The following GMPR variants were observed in gnomAD, a reference collection of about 807,000 sequenced individuals.
GMPR encodes the protein guanosine monophosphate reductase.
GMPR carries 31 observed loss-of-function variants against 38.4 expected under a neutral mutation model. The ratio of observed to expected loss-of-function variants is 0.81; its 90% CI spans 0.61 to 1.09. GMPR has a LOEUF of 1.09. Among genes scored for constraint, GMPR ranks in the 50% least tolerant of loss-of-function variants. The pLI, the probability that GMPR is intolerant of heterozygous loss-of-function variation, is 0.00. For synonymous variants in GMPR, 162 were observed against 173.3 expected, an observed-to-expected ratio of 0.93 and a Z score of 0.51; for missense variants, 468 against 453.7, an observed-to-expected ratio of 1.03 and a Z score of -0.29.
At chr6:16,259,366 T>C (rs1007435532) in intron 4 of GMPR, 1 of 152,090 alleles carries the variant, frequency 6.6e-6, no homozygotes, top group Non-Finnish European at 1.5e-5. Context: ...ACCGGCCATC[T>C]GGATGTGTAC....
rs191972553 is a variant in GMPR, at chr6:16,283,007, C to T, written c.655-2786C>T. Among the ~76,000 whole-genome samples, 241 of 152,170 alleles carry T rather than the reference C, an allele frequency of 1.6e-3. 1 individual carries two copies. Among genetic ancestry groups the T allele is most frequent in the Non-Finnish European group, 3.0e-3 (201 of 68,008 alleles). ...TAGTTTTAGTAGAGACAGGGTTTCA[C>T]CATGTTCGCCAGGCTGGTCTTGAAC... On this transcript the variant is annotated intron_variant, in intron 6 of 8. Coordinates refer to ENST00000259727, the MANE Select transcript of GMPR (RefSeq NM_006877.4).
rs142108495 is a variant in GMPR, at chr6:16,278,245, G to A, written c.548-539G>A. On this transcript the variant is annotated intron_variant, in intron 5 of 8. Transcript: ENST00000259727. The stretch of plus-strand genomic sequence containing the variant: ...CTGCAGGCCAGGCCCTGGGCCAAGC[G>A]GTATCCCTCCCTGTGCCATTTGTTC... Among the ~76,000 whole-genome samples the A allele has an allele frequency of 2.1e-3, 313 of 152,262 alleles. 2 individuals carry two copies. The highest frequency in any genetic ancestry group is 2.4e-3 in the Non-Finnish European group (164 of 68,012).
intron 1 of GMPR, among the ~76,000 whole-genome samples, chr6:16,244,712 T>G (rs1758723941): frequency 6.6e-6 from 1 of 152,216 alleles, no homozygotes; most frequent in South Asian, 2.1e-4. Context: ...TGCCAAGTGT[T>G]GTTCCTGGGA....
chr6:16,274,646 C>CTCAATTCA (rs1759444928), intron 5 of GMPR, 150 bp downstream of exon 5: 1 of 597,672 alleles, frequency 1.7e-6, no homozygotes, highest in Non-Finnish European at 3.0e-6. Context: ...AATTGAGCTT[C>CTCAATTCA]TCGGGGAAGC....
chr6:16,239,018 A>G (rs1018656032), intron 1 of GMPR, among the ~76,000 whole-genome samples: 1 of 152,066 alleles, frequency 6.6e-6, no homozygotes, highest in Admixed American at 6.5e-5. Flanking sequence ...GCCTAGGGGA[A>G]GTTCACAGTG....
chr6:16,261,960 C>G (rs1040874648), intron 4 of GMPR, among the ~76,000 whole-genome samples: 5 of 151,770 alleles, frequency 3.3e-5, no homozygotes, highest in Admixed American at 2.7e-4. Context: ...TAAAGTGTCT[C>G]GGCCTAATAA....
chr6:16,279,397 A>G (rs1759536944), intron 6 of GMPR, among the ~76,000 whole-genome samples: 1 of 152,100 alleles, frequency 6.6e-6, no homozygotes, highest in South Asian at 2.1e-4. Flanking sequence ...TTTCCTGAGG[A>G]TACTAGTCCT....
At chr6:16,245,773 C>G (rs1448098544) in intron 1 of GMPR, among the ~76,000 whole-genome samples, 1 of 152,204 alleles carries the variant, frequency 6.6e-6, no homozygotes, top group South Asian at 2.1e-4. Flanking sequence ...GAAGACAGTG[C>G]TCTGGAGCCC....
intron 4 of GMPR, among the ~76,000 whole-genome samples, chr6:16,270,432 C>T (rs1013409361): frequency 3.3e-5 from 5 of 152,132 alleles, no homozygotes; most frequent in African/African-American, 9.7e-5. Context: ...GTCCTGTATC[C>T]GCTCCACACC....
chr6:16,253,811 G>A (rs1396327485), intron 3 of GMPR, among the ~76,000 whole-genome samples: 1 of 152,236 alleles, frequency 6.6e-6, no homozygotes, highest in East Asian at 1.9e-4. Context: ...ATGTGGGGAA[G>A]CCCGAGTTGA....
At position 16,274,527 on chromosome 6, in the gene GMPR, G is replaced by A. The variant is rs754575430; in HGVS notation, c.547+31G>A. On this transcript the variant is annotated intron_variant, in intron 5 of 8. Transcript: ENST00000259727. Reference sequence around the variant, plus strand: ...ACTTGTTAGGAGCACAGCAGAGGACGTGTGTGGGGAAGAATGGGATCTGGG... The same window carrying A: ...ACTTGTTAGGAGCACAGCAGAGGACATGTGTGGGGAAGAATGGGATCTGGG... 17 of 1,274,106 alleles carry A rather than the reference G, an allele frequency of 1.3e-5. No homozygotes were observed. The East Asian group carries it at 1.8e-4, about 14-fold the overall frequency. The allele number at this position is 1,274,106 out of a possible 1,614,324, so 78.9% of individuals were successfully genotyped here.
intron 4 of GMPR, among the ~76,000 whole-genome samples, chr6:16,273,016 G>T (rs368803785): frequency 3.9e-5 from 6 of 151,998 alleles, no homozygotes; most frequent in Non-Finnish European, 7.4e-5. Flanking sequence ...TCACTTTTAT[G>T]CTTATTGAAA....
chr6:16,292,069 C>T lies in GMPR; in HGVS notation c.857+1448C>T, dbSNP rs187253996. ...CTGCAGAGGGAAGTTGCCTGTGAAT[C>T]GGCTGGTTGCCTTTTTCCAGGAAAG... On this transcript the variant is annotated intron_variant, in intron 8 of 8. Transcript: ENST00000259727. Among the ~76,000 whole-genome samples the T allele has an allele frequency of 2.1e-3, 316 of 152,290 alleles. 3 individuals are homozygous for T. The highest frequency in any genetic ancestry group is 2.1e-3 in the Non-Finnish European group (144 of 68,018).
chr6:16,241,581 T>C (rs896233584), intron 1 of GMPR, among the ~76,000 whole-genome samples: 10 of 152,186 alleles, frequency 6.6e-5, no homozygotes, highest in Non-Finnish European at 1.3e-4. Flanking sequence ...GACATTTGGA[T>C]AATCTTTTTC....
intron 5 of GMPR, 24 bp from the exon 6 acceptor site, chr6:16,278,760 G>C: frequency 6.6e-7 from 1 of 1,516,584 alleles, no homozygotes; most frequent in South Asian, 1.1e-5. Flanking sequence ...CATCTATTTG[G>C]GGACAACTTC....
At chr6:16,292,552 T>G (rs1759860021) in intron 8 of GMPR, among the ~76,000 whole-genome samples, 1 of 152,100 alleles carries the variant, frequency 6.6e-6, no homozygotes, top group Non-Finnish European at 1.5e-5. Context: ...AGGAGGAGGT[T>G]GCATGGTTGG....
intron 4 of GMPR, among the ~76,000 whole-genome samples, chr6:16,261,409 C>G (rs898281725): frequency 6.6e-6 from 1 of 151,830 alleles, no homozygotes; most frequent in East Asian, 1.9e-4. Flanking sequence ...GTGTCAGGGT[C>G]AGTCCAAGTG....
chr6:16,245,593 T>TCTAACAACAAA (rs1758736863), intron 1 of GMPR, among the ~76,000 whole-genome samples: 1 of 152,268 alleles, frequency 6.6e-6, no homozygotes, highest in African/African-American at 2.4e-5. Flanking sequence ...AGCACCCACT[T>TCTAACAACAAA]CTAATGTAGT....
intron 7 of GMPR, among the ~76,000 whole-genome samples, chr6:16,288,613 G>A (rs566377867): frequency 9.9e-5 from 15 of 152,204 alleles, no homozygotes; most frequent in Non-Finnish European, 1.9e-4. Flanking sequence ...CCCCAGTCCC[G>A]TCAACCATGC....
Sources: gnomAD v4.1 joint callset for allele counts (sites outside exome capture counted in the v4.1 genomes callset) on GRCh38, gnomAD v4.1.1 for gene constraint, MANE v1.5 for transcripts, NCBI Gene and HGNC (gene_info 2026-07-23, HGNC 2026-07-21) for gene names.